The following RGL1 variants were observed in gnomAD, a reference collection of about 807,000 sequenced individuals.
The protein encoded by RGL1 is ral guanine nucleotide dissociation stimulator like 1, also known as ral guanine nucleotide dissociation stimulator-like 1.
In RGL1, 24 loss-of-function variants were observed where a neutral mutation model predicts 95.2. The observed-to-expected ratio is 0.25, with a 90% confidence interval of 0.18 to 0.35. The LOEUF is 0.35. Ranked by LOEUF, RGL1 falls within the 10% of genes least tolerant of loss-of-function variation. The pLI, the probability that RGL1 is intolerant of heterozygous loss-of-function variation, is 1.00. For synonymous variants in RGL1, 329 were observed against 344.9 expected, an observed-to-expected ratio of 0.95 and a Z score of 0.51; for missense variants, 715 against 936.3, an observed-to-expected ratio of 0.76 and a Z score of 3.08.
At chr1:183,644,040 A>G (rs1224626034) in intron 1 of RGL1, among the ~76,000 whole-genome samples, 3 of 152,150 alleles carry the variant, frequency 2.0e-5, no homozygotes, top group Non-Finnish European at 4.4e-5. Context: ...CACCCTGCCT[A>G]CCTGGCTTCC....
chr1:183,797,311 A>G (rs1286413208), intron 2 of RGL1, among the ~76,000 whole-genome samples: 3 of 152,152 alleles, frequency 2.0e-5, no homozygotes, highest in Admixed American at 1.3e-4. Flanking sequence ...CCTGGGTGAG[A>G]GAGCAAGACT....
intron 3 of RGL1, among the ~76,000 whole-genome samples, chr1:183,853,819 A>G (rs1440731381): frequency 6.6e-6 from 1 of 152,124 alleles, no homozygotes; most frequent in Non-Finnish European, 1.5e-5. Flanking sequence ...ATTTGTTAAT[A>G]TCACCTTTAA....
At chr1:183,702,154 G>T (rs1654633797) in intron 1 of RGL1, among the ~76,000 whole-genome samples, 1 of 152,014 alleles carries the variant, frequency 6.6e-6, no homozygotes, top group Non-Finnish European at 1.5e-5. Flanking sequence ...TAGGACCATT[G>T]TTTACAAATT....
chr1:183,661,027 A>T (rs1651581083), intron 1 of RGL1, among the ~76,000 whole-genome samples: 2 of 152,220 alleles, frequency 1.3e-5, no homozygotes, highest in African/African-American at 4.8e-5. Flanking sequence ...AAGACAGAAC[A>T]TACCAGAATC....
chr1:183,899,917 T>G (rs747815831), intron 10 of RGL1, among the ~76,000 whole-genome samples: 33 of 152,222 alleles, frequency 2.2e-4, no homozygotes, highest in Non-Finnish European at 3.2e-4. Context: ...TGAACAGATG[T>G]GTATGATCTC....
At chr1:183,812,565 C>G (rs1423111172) in intron 2 of RGL1, among the ~76,000 whole-genome samples, 1 of 152,186 alleles carries the variant, frequency 6.6e-6, no homozygotes, top group Non-Finnish European at 1.5e-5. Context: ...TCTAGAGGAA[C>G]TTACAAGTAA....
chr1:183,727,824 A>T (rs954477988), intron 1 of RGL1, among the ~76,000 whole-genome samples: 4 of 152,224 alleles, frequency 2.6e-5, no homozygotes, highest in African/African-American at 9.6e-5. Flanking sequence ...TTTAAAAAGG[A>T]CAATATTATT....
At chr1:183,901,385 G>A (rs1668015075) in intron 11 of RGL1, among the ~76,000 whole-genome samples, 1 of 152,132 alleles carries the variant, frequency 6.6e-6, no homozygotes, top group Non-Finnish European at 1.5e-5. Context: ...TACTCTGGAG[G>A]CTGAGGCAGG....
In RGL1 at chr1:183,645,572, G is replaced by A. The variant is rs577416207; in HGVS notation, c.-33+9071G>A. 9.2e-5 allele frequency among the ~76,000 whole-genome samples: 14 copies of A among 152,338 alleles called. No homozygotes were observed. In the South Asian group the frequency reaches 2.7e-3, roughly 29 times the overall value. The stretch of plus-strand genomic sequence containing the variant: ...ACCATTGCCAGTTGGCTGAAGAGGG[G>A]TGGAGCAACCCAATTTCTCTCTCTC... On this transcript the variant is annotated intron_variant, in intron 1 of 18. Transcript: ENST00000304685.
intron 1 of RGL1, among the ~76,000 whole-genome samples, chr1:183,715,626 GC>G (rs1452062527): frequency 6.6e-6 from 1 of 152,048 alleles, no homozygotes; most frequent in Non-Finnish European, 1.5e-5. Flanking sequence ...TTGCCAATTA[GC>G]CCATGCAATC....
intron 1 of RGL1, among the ~76,000 whole-genome samples, chr1:183,694,216 A>AT (rs113417320): frequency 3.3e-5 from 5 of 152,274 alleles, no homozygotes; most frequent in African/African-American, 7.2e-5. Flanking sequence ...GACTGGCTGC[A>AT]TGAGTTCTTG....
At position 183,926,391 on chromosome 1, in the gene RGL1, G is replaced by A. The variant is rs1272953659; in HGVS notation, c.*99G>A. On this transcript the variant is annotated 3_prime_UTR_variant, in exon 18 of 18. Coordinates refer to ENST00000360851, the MANE Select transcript of RGL1 (RefSeq NM_001297671.3). ...ACCATCCGGTGTTCGAGGATCATTG[G>A]TGAAGTCAGCAGATATTTATTGAGT... 5 of 998,404 alleles carry A rather than the reference G, an allele frequency of 5.0e-6. No homozygotes were observed. Among genetic ancestry groups the A allele is most frequent in the Admixed American group, 2.9e-5 (1 of 34,474 alleles). 61.8% of individuals were successfully genotyped at this position (998,404 alleles called of 1,614,324 possible).
rs377763166 is a variant in RGL1, at chr1:183,849,522, C to T, written c.347+1748C>T. 3.2e-4 allele frequency among the ~76,000 whole-genome samples: 35 copies of T among 109,450 alleles called. No homozygotes were observed. The East Asian group carries it at 8.4e-3, about 26-fold the overall frequency. The allele number at this position is 109,450 out of a possible 152,430, so 71.8% of individuals were successfully genotyped here. ...TTTTTTTTTTGTTGAGATGGCATCT[C>T]GCTCTGTCTCCAGGCTGGAGTGCAG... On this transcript the variant is annotated intron_variant, in intron 3 of 17. Transcript: ENST00000360851.
At chr1:183,885,783 G>A (rs1667073905) in intron 7 of RGL1, among the ~76,000 whole-genome samples, 1 of 152,178 alleles carries the variant, frequency 6.6e-6, no homozygotes, top group African/African-American at 2.4e-5. Flanking sequence ...AATTATCTCA[G>A]CCTGAGACAG....
At chr1:183,868,061 T>C (rs115407138) in intron 4 of RGL1, among the ~76,000 whole-genome samples, 5 of 152,326 alleles carry the variant, frequency 3.3e-5, no homozygotes, top group African/African-American at 1.2e-4. Context: ...TTAGAAGGGC[T>C]TGGGGAAGGC....
At chr1:183,647,904 A>G (rs746235167) in intron 1 of RGL1, 1 of 1,614,098 alleles carries the variant, frequency 6.2e-7, no homozygotes, top group East Asian at 2.2e-5. Context: ...CACTAGCACA[A>G]AAACAACAGG....
At chr1:183,757,964 C>T (rs1175896380) in intron 2 of RGL1, among the ~76,000 whole-genome samples, 1 of 152,202 alleles carries the variant, frequency 6.6e-6, no homozygotes. Context: ...GCCAGGGCAT[C>T]AACTTCAGCT....
chr1:183,872,354 T>C (rs1048221461), intron 4 of RGL1, among the ~76,000 whole-genome samples: 6 of 152,206 alleles, frequency 3.9e-5, no homozygotes, highest in Admixed American at 1.3e-4. Flanking sequence ...GATTTAAAAC[T>C]CCTCAAGAAA....
intron 1 of RGL1, among the ~76,000 whole-genome samples, chr1:183,719,186 A>C (rs1415446540): frequency 1.3e-5 from 2 of 152,208 alleles, no homozygotes; most frequent in East Asian, 3.8e-4. Flanking sequence ...CTTAGGGGCA[A>C]ACTACACTAT....
Sources: gnomAD v4.1 joint callset for allele counts (sites outside exome capture counted in the v4.1 genomes callset) on GRCh38, gnomAD v4.1.1 for gene constraint, MANE v1.5 for transcripts, NCBI Gene and HGNC (gene_info 2026-07-23, HGNC 2026-07-21) for gene names.